Variants in SLC35D2 observed in about 807,000 individuals in gnomAD.
The protein encoded by SLC35D2 is nucleotide sugar transporter SLC35D2.
A neutral mutation model predicts 41.8 loss-of-function variants in SLC35D2; 43 were observed. The observed-to-expected ratio is 1.03, with a 90% CI of 0.81 to 1.33. SLC35D2 has a LOEUF of 1.33. Among genes scored for constraint, SLC35D2 ranks in the 40% most tolerant of loss-of-function variants. SLC35D2 has a pLI of 0.00. For synonymous variants in SLC35D2, 150 were observed against 163.9 expected, an observed-to-expected ratio of 0.92 and a Z score of 0.65; for missense variants, 380 against 408.4, an observed-to-expected ratio of 0.93 and a Z score of 0.60.
chr9:96,315,517 T>C (rs1828031499), intron 11 of SLC35D2, among the ~76,000 whole-genome samples: 1 of 149,878 alleles, frequency 6.7e-6, no homozygotes, highest in Non-Finnish European at 1.5e-5. Flanking sequence ...CACTGCAAGC[T>C]CTGCCTTGCA....
intron 2 of SLC35D2, among the ~76,000 whole-genome samples, chr9:96,367,219 C>CAAAAAAAAA (rs1171888357): frequency 1.4e-5 from 1 of 71,000 alleles, no homozygotes. Context: ...GACTCAGTCA[C>CAAAAAAAAA]AAAAAAAAAA....
At chr9:96,359,745 C>T (rs1263962729) in intron 4 of SLC35D2, among the ~76,000 whole-genome samples, 1 of 151,956 alleles carries the variant, frequency 6.6e-6, no homozygotes, top group African/African-American at 2.4e-5. Context: ...TTATAACACA[C>T]ACTTGAAAAT....
intron 9 of SLC35D2, among the ~76,000 whole-genome samples, chr9:96,324,549 C>CTTTTTTTTTTTTT (rs57775451): frequency 1.8e-4 from 21 of 117,754 alleles, no homozygotes; most frequent in East Asian, 9.4e-4. Flanking sequence ...GCCTGCTGCA[C>CTTTTTTTTTTTTT]TTTTTTTTTT....
downstream of SLC35D2, among the ~76,000 whole-genome samples, chr9:96,319,738 G>A (rs374449696): frequency 1.7e-3 from 255 of 152,122 alleles, 3 homozygotes; most frequent in South Asian, 0.034. Context: ...AGGCTCAAGC[G>A]ATTTTCCCAC....
intron 4 of SLC35D2, 42 bp downstream of exon 4, chr9:96,360,112 A>G: frequency 6.8e-7 from 1 of 1,462,692 alleles, no homozygotes; most frequent in Non-Finnish European, 9.5e-7. Flanking sequence ...CTGGCAGCAC[A>G]GAGGTGAGGA....
intron 6 of SLC35D2, chr9:96,350,890 T>C (rs1829783272): frequency 2.2e-6 from 1 of 456,878 alleles, no homozygotes; most frequent in South Asian, 5.0e-5. Flanking sequence ...CTTGCAATGC[T>C]CTCTTCATAT....
At chr9:96,345,664 G>C (rs60823258) in intron 6 of SLC35D2, among the ~76,000 whole-genome samples, 6,971 of 152,216 alleles carry the variant, frequency 0.046, 561 homozygotes, top group African/African-American at 0.16. Flanking sequence ...CCTTTCTTTC[G>C]CTAGCTGATG....
At chr9:96,375,143 C>T (rs866271368) in intron 1 of SLC35D2, among the ~76,000 whole-genome samples, 1 of 151,400 alleles carries the variant, frequency 6.6e-6, no homozygotes, top group Non-Finnish European at 1.5e-5. Context: ...AAGCGCCCAC[C>T]ACGATGCCCG....
chr9:96,382,495 A>ACACT (rs953367497), intron 1 of SLC35D2, among the ~76,000 whole-genome samples: 2 of 126,836 alleles, frequency 1.6e-5, no homozygotes, highest in African/African-American at 7.1e-5. Context: ...ACACACACAC[A>ACACT]CTATATATAT....
chr9:96,322,732 T>TTTTA, intron 10 of SLC35D2, among the ~76,000 whole-genome samples: 1 of 147,150 alleles, frequency 6.8e-6, no homozygotes, highest in Non-Finnish European at 1.5e-5. Flanking sequence ...TTTTTTTTTT[T>TTTTA]TTTTGAGACA....
At chr9:96,366,538 T>TC (rs1240265692) in intron 2 of SLC35D2, among the ~76,000 whole-genome samples, 3 of 148,986 alleles carry the variant, frequency 2.0e-5, no homozygotes, top group Non-Finnish European at 4.5e-5. Flanking sequence ...TTTTTTTTTT[T>TC]TTGAGACGGA....
chr9:96,372,206 A>G (rs1308429075), intron 1 of SLC35D2, among the ~76,000 whole-genome samples: 2 of 152,236 alleles, frequency 1.3e-5, no homozygotes, highest in African/African-American at 4.8e-5. Flanking sequence ...AAGTCTTTAG[A>G]TCTAACTTTC....
At chr9:96,345,868 C>T (rs1015926380) in intron 6 of SLC35D2, among the ~76,000 whole-genome samples, 1 of 152,190 alleles carries the variant, frequency 6.6e-6, no homozygotes, top group African/African-American at 2.4e-5. Flanking sequence ...AACCGCACCC[C>T]GTCCATCAAA....
intron 11 of SLC35D2, among the ~76,000 whole-genome samples, chr9:96,315,491 T>C (rs1325253562): frequency 6.8e-6 from 1 of 147,338 alleles, no homozygotes; most frequent in Admixed American, 7.0e-5. Flanking sequence ...TGGAGTGCAG[T>C]GGCGCGATCT....
At chr9:96,328,415 G>A (rs189499151) in intron 9 of SLC35D2, among the ~76,000 whole-genome samples, 92 of 152,226 alleles carry the variant, frequency 6.0e-4, no homozygotes, top group African/African-American at 2.0e-3. Flanking sequence ...CACGCCCAGC[G>A]TGCTCTGTAT....
At chr9:96,375,978 T>C (rs1457483532) in intron 1 of SLC35D2, among the ~76,000 whole-genome samples, 3 of 151,770 alleles carry the variant, frequency 2.0e-5, no homozygotes, top group Non-Finnish European at 4.4e-5. Flanking sequence ...CTGGCCAATA[T>C]GGTGAAACCC....
At chr9:96,347,213 C>T (rs1010541382) in intron 6 of SLC35D2, among the ~76,000 whole-genome samples, 2 of 152,132 alleles carry the variant, frequency 1.3e-5, no homozygotes, top group African/African-American at 4.8e-5. Context: ...CAGAGTCTGC[C>T]GCCCCCTGAG....
At chr9:96,344,973 A>G (rs1198299907) in intron 7 of SLC35D2, among the ~76,000 whole-genome samples, 1 of 152,190 alleles carries the variant, frequency 6.6e-6, no homozygotes, top group African/African-American at 2.4e-5. Flanking sequence ...ACTCCAAACT[A>G]GCGCTCTCTG....
chr9:96,351,126 A>C lies in SLC35D2; in HGVS notation c.465T>G (p.Ile155Met). The stretch of plus-strand genomic sequence containing the variant: ...ACCCAGCTGCTATGAAAGCCCCGAG[A>C]ATAATGGCAAAGACACTGAGGATGA... ...LNIILSVFAI[I>M]LGAFIAAGSD... Residue 155 changes from isoleucine (I) to methionine (M), a missense_variant, in exon 6 of 12, where the codon ATT becomes ATG. By Grantham distance (10) the Ile-to-Met change is conservative. Coordinates refer to ENST00000253270, the MANE Select transcript of SLC35D2 (RefSeq NM_007001.3). The C allele has an allele frequency of 6.2e-7, 1 of 1,612,888 alleles. No homozygotes were observed. The highest frequency in any genetic ancestry group is 8.5e-7 in the Non-Finnish European group (1 of 1,178,858).
Sources: gnomAD v4.1 joint callset for allele counts (sites outside exome capture counted in the v4.1 genomes callset) on GRCh38, gnomAD v4.1.1 for gene constraint, MANE v1.5 for transcripts, NCBI Gene and HGNC (gene_info 2026-07-23, HGNC 2026-07-21) for gene names.